The following CPQ variants were observed in gnomAD, a reference collection of about 807,000 sequenced individuals.
CPQ encodes carboxypeptidase Q.
CPQ carries 37 observed loss-of-function variants against 45.7 expected under a neutral mutation model. That is an observed-to-expected ratio of 0.81 (90% CI 0.62 to 1.07). The LOEUF (loss-of-function observed/expected upper bound fraction) is 1.07. Ranked by LOEUF, CPQ falls within the 50% of genes least tolerant of loss-of-function variation. The pLI is 0.00. For synonymous variants in CPQ, 186 were observed against 205.8 expected (o/e 0.90, Z 0.82); for missense variants, 537 against 572.9 (o/e 0.94, Z 0.64).
intron 1 of CPQ, among the ~76,000 whole-genome samples, chr8:96,768,005 A>T (rs1479454125): frequency 6.6e-6 from 1 of 151,974 alleles, no homozygotes. Context: ...TGTGGTCTCC[A>T]CTATGGTCTT....
At chr8:96,894,578 A>G (rs1204110634) in intron 4 of CPQ, among the ~76,000 whole-genome samples, 1 of 152,172 alleles carries the variant, frequency 6.6e-6, no homozygotes, top group Non-Finnish European at 1.5e-5. Context: ...AATGTAATAT[A>G]TCATAATATA....
chr8:96,795,264 G>A (rs912740334), intron 2 of CPQ, among the ~76,000 whole-genome samples: 3 of 152,146 alleles, frequency 2.0e-5, no homozygotes, highest in African/African-American at 7.2e-5. Context: ...TTCTCACACG[G>A]TGGCAGACAA....
chr8:96,964,212 AC>A (rs1813516481), intron 4 of CPQ, among the ~76,000 whole-genome samples: 1 of 149,996 alleles, frequency 6.7e-6, no homozygotes, highest in Non-Finnish European at 1.5e-5. Context: ...ACACACACAC[AC>A]ACACATCCTG....
Position 97,041,162 on chromosome 8 carries a change from A to T in CPQ, c.1053+11668A>T, listed in dbSNP as rs138565712. Among the ~76,000 whole-genome samples, 1,129 of 152,258 alleles carry T rather than the reference A, an allele frequency of 7.4e-3. 10 individuals carry two copies. Among genetic ancestry groups the T allele is most frequent in the African/African-American group, 0.025 (1,054 of 41,530 alleles). ...CTTTGTATCCTCTTTTATTTCATTG[A>T]GCAGGGGTTTGTAGTTCTCCTTGAA... On this transcript the variant is annotated intron_variant, in intron 6 of 7. Coordinates refer to ENST00000220763, the MANE Select transcript of CPQ (RefSeq NM_016134.4).
intron 5 of CPQ, among the ~76,000 whole-genome samples, chr8:96,998,492 A>G (rs1348596837): frequency 1.3e-5 from 2 of 152,134 alleles, no homozygotes; most frequent in Middle Eastern, 3.4e-3. Context: ...TCTATTATAT[A>G]TAAGTAAATA....
intron 7 of CPQ, among the ~76,000 whole-genome samples, chr8:97,122,202 A>C (rs1239841155): frequency 1.3e-5 from 2 of 152,154 alleles, no homozygotes; most frequent in Non-Finnish European, 2.9e-5. Context: ...AATAAAACCC[A>C]AGCATGATAA....
intron 7 of CPQ, among the ~76,000 whole-genome samples, chr8:97,112,971 C>T (rs933849846): frequency 9.9e-5 from 15 of 152,152 alleles, no homozygotes; most frequent in African/African-American, 3.6e-4. Context: ...ATCTGGGCCT[C>T]AGGAGAGGCC....
At chr8:96,868,551 C>T (rs1365605244) in intron 3 of CPQ, among the ~76,000 whole-genome samples, 1 of 151,940 alleles carries the variant, frequency 6.6e-6, no homozygotes, top group East Asian at 1.9e-4. Flanking sequence ...TAGCCTTGTT[C>T]ATACTTTTCT....
intron 1 of CPQ, chr8:96,761,455 A>G (rs953901694): frequency 1.3e-5 from 2 of 152,260 alleles, no homozygotes; most frequent in African/African-American, 4.8e-5. Context: ...TAGGGTCTAC[A>G]AGGTGACTGG....
Position 97,143,058 on chromosome 8 carries a change from T to C in CPQ, c.1294T>C (p.Phe432Leu), listed in dbSNP as rs200394841. Residue 432 changes from phenylalanine to leucine, a missense_variant, in exon 8 of 8, where the codon TTC (phenylalanine) becomes CTC (leucine). Physicochemically the swap from Phe to Leu is conservative, Grantham distance 22 (BLOSUM62 0). Coordinates refer to ENST00000220763, the MANE Select transcript of CPQ (RefSeq NM_016134.4). Reference protein sequence around the residue: ...LLDDLYKYFFFHHSHGDTMTV... With the variant: ...LLDDLYKYFFLHHSHGDTMTV... Reference sequence around the variant, plus strand: ...TGATGACTTATACAAGTATTTCTTCTTCCATCACTCCCACGGAGACACCAT... The same window carrying C: ...TGATGACTTATACAAGTATTTCTTCCTCCATCACTCCCACGGAGACACCAT... 6.9e-5 allele frequency: 112 copies of C among 1,613,902 alleles called. No individual in the cohort carries two copies. Among genetic ancestry groups the C allele is most frequent in the Admixed American group, 1.0e-4 (6 of 59,990 alleles).
intron 7 of CPQ, among the ~76,000 whole-genome samples, chr8:97,077,534 G>A (rs997102569): frequency 6.6e-6 from 1 of 152,040 alleles, no homozygotes; most frequent in African/African-American, 2.4e-5. Flanking sequence ...TCTGCAAAGG[G>A]AGCCATGTAC....
chr8:97,133,536 TATTCA>T (rs1811997299), intron 7 of CPQ, among the ~76,000 whole-genome samples: 1 of 152,238 alleles, frequency 6.6e-6, no homozygotes, highest in Admixed American at 6.5e-5. Flanking sequence ...TCAAAAAATT[TATTCA>T]ATTCATTAAT....
At chr8:96,989,488 G>A (rs1364333724) in intron 5 of CPQ, among the ~76,000 whole-genome samples, 1 of 148,600 alleles carries the variant, frequency 6.7e-6, no homozygotes, top group Admixed American at 6.7e-5. Context: ...GAGGAGAGGG[G>A]AGTGGAGGAG....
intron 7 of CPQ, among the ~76,000 whole-genome samples, chr8:97,093,512 C>T (rs1811159324): frequency 6.6e-6 from 1 of 152,056 alleles, no homozygotes; most frequent in Non-Finnish European, 1.5e-5. Flanking sequence ...ACAATTTACC[C>T]ATGTAACAAA....
intron 4 of CPQ, among the ~76,000 whole-genome samples, chr8:96,936,223 T>G (rs1813047692): frequency 6.6e-6 from 1 of 152,132 alleles, no homozygotes; most frequent in African/African-American, 2.4e-5. Context: ...TGGCAGGTAG[T>G]TAAAAGGTAG....
At chr8:96,666,267 A>G (rs892162377) in intron 1 of CPQ, among the ~76,000 whole-genome samples, 12 of 152,130 alleles carry the variant, frequency 7.9e-5, no homozygotes, top group Non-Finnish European at 8.8e-5. Flanking sequence ...TGGATTGGCT[A>G]GTTTCTGTAT....
At chr8:96,840,057 A>G (rs1013639936) in intron 3 of CPQ, among the ~76,000 whole-genome samples, 8 of 152,290 alleles carry the variant, frequency 5.3e-5, no homozygotes, top group Non-Finnish European at 7.4e-5. Context: ...TGGAGAGCTA[A>G]TGCTATAGGA....
At chr8:97,139,887 A>G (rs1812127468) in intron 7 of CPQ, among the ~76,000 whole-genome samples, 1 of 152,010 alleles carries the variant, frequency 6.6e-6, no homozygotes, top group African/African-American at 2.4e-5. Flanking sequence ...GCATAATATA[A>G]ACTTAGGAGC....
chr8:97,127,216 GA>G (rs1406730599), intron 7 of CPQ, among the ~76,000 whole-genome samples: 2 of 152,138 alleles, frequency 1.3e-5, no homozygotes, highest in African/African-American at 4.8e-5. Context: ...TTAAGAAAAT[GA>G]AAGGCAAGCC....
Sources: allele counts gnomAD v4.1 joint callset (sites outside exome capture counted in the v4.1 genomes callset), GRCh38; gene constraint gnomAD v4.1.1; transcripts MANE v1.5; gene names NCBI Gene and HGNC (gene_info 2026-07-23, HGNC 2026-07-21).